Variants in PARP11 observed in about 807,000 individuals in gnomAD.
PARP11 encodes protein mono-ADP-ribosyltransferase PARP11.
In PARP11, 31 loss-of-function variants were observed where a neutral mutation model predicts 42.9. That is an observed-to-expected ratio of 0.72 (90% CI 0.54 to 0.98). The LOEUF is 0.98. Among genes scored for constraint, PARP11 ranks in the 50% least tolerant of loss-of-function variants. The probability of loss-of-function intolerance (pLI) is 0.00; values close to 1 mark genes in which losing one functional copy is unlikely to be tolerated. For missense variants in PARP11, 365 were observed against 413.1 expected, an observed-to-expected ratio of 0.88 and a Z score of 1.01; for synonymous variants, 137 against 127.3, an observed-to-expected ratio of 1.08 and a Z score of -0.51.
Position 3,813,911 on chromosome 12 carries a change from T to C in PARP11, c.700+126A>G, listed in dbSNP as rs182840605. The C allele has an allele frequency of 1.6e-5, 10 of 630,796 alleles. No homozygotes were observed. In the African/African-American group the frequency reaches 1.9e-4, roughly 12 times the overall value. The allele number at this position is 630,796 out of a possible 1,614,324, so 39.1% of individuals were successfully genotyped here. Reference sequence around the variant, plus strand: ...TCTATTCTCGTACACAATGCAATTATAATCCATTTGTTTTATCATTCTCTA... The same window carrying C: ...TCTATTCTCGTACACAATGCAATTACAATCCATTTGTTTTATCATTCTCTA... On this transcript the variant is annotated intron_variant, in intron 7 of 7. Coordinates refer to ENST00000228820, the MANE Select transcript of PARP11 (RefSeq NM_020367.6).
At chr12:3,815,817 T>C (rs1012674173) in intron 6 of PARP11, among the ~76,000 whole-genome samples, 11 of 152,252 alleles carry the variant, frequency 7.2e-5, no homozygotes, top group African/African-American at 2.4e-4. Context: ...CTTGATATAG[T>C]AATTTAAAAA....
chr12:3,841,034 CTT>C, intron 1 of PARP11: 1 of 1,585,510 alleles, frequency 6.3e-7, no homozygotes, highest in African/African-American at 1.3e-5. Context: ...GTGACACAGA[CTT>C]TGACCCCTGG....
intron 7 of PARP11, 78 bp downstream of exon 7, chr12:3,813,959 A>ATAT: frequency 9.1e-7 from 1 of 1,094,164 alleles, no homozygotes; most frequent in Non-Finnish European, 1.3e-6. Context: ...AAAGCAGTTC[A>ATAT]TATTTATATT....
At chr12:3,872,733 A>C (rs537217784) in intron 1 of PARP11, 1 of 985,358 alleles carries the variant, frequency 1.0e-6, no homozygotes, top group East Asian at 1.1e-4. Flanking sequence ...GGTAAACCTG[A>C]GGCAAATGAC....
At position 3,810,141 on chromosome 12, in the gene PARP11, G is replaced by C. The variant is rs1373719869; in HGVS notation, c.*1982C>G. The C allele has an allele frequency of 6.6e-6, 1 of 152,180 alleles. No homozygotes were observed. The highest frequency in any genetic ancestry group is 1.5e-5 in the Non-Finnish European group (1 of 68,026). 9.4% of individuals were successfully genotyped at this position (152,180 alleles called of 1,614,324 possible). On this transcript the variant is annotated 3_prime_UTR_variant, in exon 8 of 8. Coordinates refer to ENST00000228820, the MANE Select transcript of PARP11 (RefSeq NM_020367.6). Reference sequence around the variant, plus strand: ...GATTCAAGTGAGCAATATAAGCATAGACACTGGAATTTTTCTAAGAAGTTA... The same window carrying C: ...GATTCAAGTGAGCAATATAAGCATACACACTGGAATTTTTCTAAGAAGTTA...
chr12:3,851,978 T>C (rs1374768975), intron 1 of PARP11, among the ~76,000 whole-genome samples: 2 of 152,204 alleles, frequency 1.3e-5, no homozygotes, highest in Non-Finnish European at 2.9e-5. Flanking sequence ...TCCGCTGGGA[T>C]ACCCAGGCAA....
intron 1 of PARP11, among the ~76,000 whole-genome samples, chr12:3,866,847 T>C (rs1338114050): frequency 2.6e-5 from 4 of 152,242 alleles, no homozygotes; most frequent in Admixed American, 2.6e-4. Flanking sequence ...ATGATTCTAC[T>C]GGATGTCATA....
intron 1 of PARP11, among the ~76,000 whole-genome samples, chr12:3,843,212 GAAGTA>G (rs1394424454): frequency 9.2e-5 from 14 of 152,178 alleles, no homozygotes; most frequent in African/African-American, 1.7e-4. Flanking sequence ...AGATTGCACA[GAAGTA>G]TAGTAGGAAA....
Position 3,840,411 on chromosome 12 carries a change from A to T in PARP11, c.19-10393T>A. The T allele has an allele frequency of 6.2e-7, 1 of 1,613,480 alleles. No homozygotes were observed. Among genetic ancestry groups the T allele is most frequent in the Admixed American group, 1.7e-5 (1 of 60,026 alleles). On this transcript the variant is annotated intron_variant, in intron 1 of 7. Coordinates refer to ENST00000228820, the MANE Select transcript of PARP11 (RefSeq NM_020367.6). This position sits in a 1 kb window ranked among gnomAD's most constrained non-coding sequence, Gnocchi z 4.4. ...GGCCAAAGAATCCAAGCAAGCCAAT[A>T]AAAGCCCCATTAGCACTACCTCCTC...
chr12:3,813,700 T>C (rs546286793), intron 7 of PARP11, among the ~76,000 whole-genome samples: 1 of 152,236 alleles, frequency 6.6e-6, no homozygotes, highest in Admixed American at 6.5e-5. Context: ...GAAAATTAAA[T>C]GTACATCCCA....
chr12:3,854,318 A>G (rs541725179), intron 1 of PARP11, among the ~76,000 whole-genome samples: 2 of 152,328 alleles, frequency 1.3e-5, no homozygotes, highest in Admixed American at 6.5e-5. Flanking sequence ...AGGCACAAAA[A>G]ACTCTTCAAA....
chr12:3,861,751 G>A lies in PARP11; in HGVS notation c.18+11461C>T, dbSNP rs11838161. Among the ~76,000 whole-genome samples, 1,845 of 152,134 alleles carry A rather than the reference G, an allele frequency of 0.012. 44 individuals are homozygous for A. Among genetic ancestry groups the A allele is most frequent in the African/African-American group, 0.042 (1,749 of 41,508 alleles). ...CTAAAAAGAATCTTTGTGGCCAGGCGTGGTGGCTCACGCCTGTAATCCCAG... is the reference window on the plus strand; with the variant it reads ...CTAAAAAGAATCTTTGTGGCCAGGCATGGTGGCTCACGCCTGTAATCCCAG... On this transcript the variant is annotated intron_variant, in intron 1 of 7. Transcript: ENST00000228820. The surrounding 1 kb of genome is among the most constrained non-coding windows in gnomAD (Gnocchi z 4.6).
chr12:3,829,992 T>C lies in PARP11; in HGVS notation c.45A>G (p.Leu15=), dbSNP rs1299392077. 6.2e-7 allele frequency: 1 copy of C among 1,613,824 alleles called. No homozygotes were observed. Among genetic ancestry groups the C allele is most frequent in the Non-Finnish European group, 8.5e-7 (1 of 1,179,746 alleles). Residue 15 remains leucine, a synonymous_variant, in exon 2 of 8, where the codon TTA becomes TTG. Transcript: ENST00000228820. ...CTTCATTGTTTGTTGTTTTAGAAAA[T>C]AATTCTTCTGCTTTGTGAAACATCT... The part of the protein sequence containing the change: ...NPEMFHKAEE[L]FSKTTNNEVD...
chr12:3,842,650 TA>T, intron 1 of PARP11: 1 of 652,264 alleles, frequency 1.5e-6, no homozygotes, highest in South Asian at 1.9e-5. Context: ...TTCCCTCCCA[TA>T]CTCGACAAGA....
chr12:3,858,980 C>T (rs529667772), intron 1 of PARP11, among the ~76,000 whole-genome samples: 1 of 151,052 alleles, frequency 6.6e-6, no homozygotes, highest in Admixed American at 6.6e-5. Context: ...GCCTGTAATC[C>T]CAGTTACTTG....
At chr12:3,817,605 C>G (rs1432602306) in intron 6 of PARP11, among the ~76,000 whole-genome samples, 1 of 152,172 alleles carries the variant, frequency 6.6e-6, no homozygotes, top group Non-Finnish European at 1.5e-5. Context: ...ACAACCCTGC[C>G]CACCTTTGCC....
intron 1 of PARP11, among the ~76,000 whole-genome samples, chr12:3,867,467 A>G (rs941858531): frequency 6.6e-6 from 1 of 152,224 alleles, no homozygotes; most frequent in Non-Finnish European, 1.5e-5. Context: ...CCAAAAAGTA[A>G]TTCTATGTTT....
rs191685414 is a variant in PARP11, at chr12:3,827,321, T to C, written c.269-1088A>G. Among the ~76,000 whole-genome samples, 543 of 152,344 alleles carry C rather than the reference T, an allele frequency of 3.6e-3. 10 individuals carry two copies. Among genetic ancestry groups the C allele is most frequent in the Admixed American group, 0.031 (468 of 15,294 alleles). On this transcript the variant is annotated intron_variant, in intron 3 of 7. Transcript: ENST00000228820. ...TGTAACTCCCATTCCTTAATAATGA[T>C]ATTTTTAATAAACTCTTTTTTCTGA...
chr12:3,819,864 C>CCT (rs1947359379), intron 6 of PARP11, among the ~76,000 whole-genome samples: 2 of 152,314 alleles, frequency 1.3e-5, no homozygotes, highest in South Asian at 2.1e-4. Context: ...ATTCTAGCCT[C>CCT]CTCTCTCACC....
Sources: allele counts gnomAD v4.1 joint callset (sites outside exome capture counted in the v4.1 genomes callset), GRCh38; gene constraint gnomAD v4.1.1; non-coding constraint Gnocchi (gnomAD v3.1); transcripts MANE v1.5; gene names NCBI Gene and HGNC (gene_info 2026-07-23, HGNC 2026-07-21).